SHC3: variants seen among roughly 807,000 people sequenced by gnomAD.
SHC3 encodes SHC-transforming protein 3.
SHC3 carries 15 observed loss-of-function variants against 60.4 expected under a neutral mutation model. The ratio of observed to expected loss-of-function variants is 0.25; its 90% CI spans 0.17 to 0.38. The LOEUF (loss-of-function observed/expected upper bound fraction) is 0.38. Among genes scored for constraint, SHC3 ranks in the 10% least tolerant of loss-of-function variants. The probability of loss-of-function intolerance (pLI) is 1.00; values close to 1 mark genes in which losing one functional copy is unlikely to be tolerated. For synonymous variants in SHC3, 294 were observed against 325.9 expected (o/e 0.90, Z 1.05); for missense variants, 677 against 786.1 (o/e 0.86, Z 1.66).
chr9:89,119,161 TA>T (rs964333162), intron 1 of SHC3, among the ~76,000 whole-genome samples: 1 of 151,968 alleles, frequency 6.6e-6, no homozygotes, highest in African/African-American at 2.4e-5. Context: ...TATATGTGTG[TA>T]AAAAATTATA....
chr9:89,175,989 A>G (rs1237090173), intron 1 of SHC3, among the ~76,000 whole-genome samples: 5 of 152,218 alleles, frequency 3.3e-5, no homozygotes, highest in African/African-American at 1.2e-4. Context: ...TTTCTGCGTG[A>G]TTTCAAACTT....
Position 89,006,593 on chromosome 9 carries a change from TG to T in SHC3, c.*6853del, listed in dbSNP as rs2118616007. 1 of 152,376 alleles carries T rather than the reference TG, an allele frequency of 6.6e-6. No individual in the cohort carries two copies. Among genetic ancestry groups the T allele is most frequent in the African/African-American group, 2.4e-5 (1 of 41,596 alleles). The allele number at this position is 152,376 out of a possible 1,614,324, so 9.4% of individuals were successfully genotyped here. A position where few individuals can be genotyped will look rare whatever the true frequency, so the allele number is the denominator to read the frequency against. ...TTCAGATAATATTCATTTGTCAGTATGTATAATTTGCCATCCAAATGCTTTT... is the reference window on the plus strand; with the variant it reads ...TTCAGATAATATTCATTTGTCAGTATTATAATTTGCCATCCAAATGCTTTT... On this transcript the variant is annotated 3_prime_UTR_variant, in exon 12 of 12. Coordinates refer to ENST00000375835, the MANE Select transcript of SHC3 (RefSeq NM_016848.6).
intron 1 of SHC3, among the ~76,000 whole-genome samples, chr9:89,121,900 G>C (rs1414107628): frequency 6.6e-6 from 1 of 152,224 alleles, no homozygotes; most frequent in Non-Finnish European, 1.5e-5. Flanking sequence ...CAATTGCACA[G>C]AGGTAGTCCA....
intron 11 of SHC3, among the ~76,000 whole-genome samples, chr9:89,026,732 T>C (rs959455172): frequency 3.9e-5 from 6 of 152,202 alleles, no homozygotes; most frequent in African/African-American, 7.2e-5. Context: ...CGCCCAGGGC[T>C]TACATGCCCA....
At chr9:89,164,082 ACACT>A (rs1826750138) in intron 1 of SHC3, among the ~76,000 whole-genome samples, 1 of 152,160 alleles carries the variant, frequency 6.6e-6, no homozygotes, top group South Asian at 2.1e-4. Context: ...GAGGACACAG[ACACT>A]CAGTCCATAA....
chr9:89,048,181 T>C (rs1255373950), intron 7 of SHC3, among the ~76,000 whole-genome samples: 2 of 150,426 alleles, frequency 1.3e-5, no homozygotes, highest in East Asian at 2.0e-4. Flanking sequence ...GAGGTGGATG[T>C]TGCAGTGAGC....
chr9:89,052,146 A>G lies in SHC3; in HGVS notation c.853T>C (p.Cys285Arg), dbSNP rs769271572. Residue 285 changes from cysteine (C) to arginine (R), a missense_variant, in exon 7 of 12, where the codon TGC becomes CGC. Physicochemically the swap from Cys to Arg is radical, Grantham distance 180 (BLOSUM62 -3). Transcript: ENST00000375835. ...ACATCCTGGGCCAGCCCATCACAGC[A>G]TTCCAAAATGTGACAAGCTGGGAAA... The part of the protein sequence containing the change: ...VNRRACHILE[C>R]CDGLAQDVIG... 6.2e-7 allele frequency: 1 copy of G among 1,613,956 alleles called. No homozygotes were observed. Among genetic ancestry groups the G allele is most frequent in the South Asian group, 1.1e-5 (1 of 91,082 alleles).
intron 6 of SHC3, among the ~76,000 whole-genome samples, chr9:89,052,619 G>A (rs1385115396): frequency 6.6e-6 from 1 of 152,204 alleles, no homozygotes; most frequent in East Asian, 1.9e-4. Context: ...GATTTATTCA[G>A]TGGACTTAGA....
chr9:89,028,896 C>A lies in SHC3; in HGVS notation c.1656+9097G>T, dbSNP rs1255266795. Among the ~76,000 whole-genome samples the A allele has an allele frequency of 6.8e-5, 10 of 146,880 alleles. No individual in the cohort carries two copies. In the East Asian group the frequency reaches 2.0e-3, roughly 29 times the overall value. ...ATATATATCTAGATATAATCTATAT[C>A]TATTAATCTATATCTATTAATATAA... On this transcript the variant is annotated intron_variant, in intron 11 of 11. Coordinates refer to ENST00000375835, the MANE Select transcript of SHC3 (RefSeq NM_016848.6).
At chr9:89,168,889 C>T (rs1433777464) in intron 1 of SHC3, among the ~76,000 whole-genome samples, 2 of 152,162 alleles carry the variant, frequency 1.3e-5, no homozygotes, top group South Asian at 4.1e-4. Flanking sequence ...GAGAATTCCT[C>T]TTGTTGGGCT....
intron 1 of SHC3, among the ~76,000 whole-genome samples, chr9:89,126,092 T>C (rs1329036059): frequency 2.6e-5 from 4 of 152,140 alleles, no homozygotes; most frequent in African/African-American, 7.2e-5. Flanking sequence ...GAAGAGACTA[T>C]ACTAAAGAGA....
intron 6 of SHC3, among the ~76,000 whole-genome samples, chr9:89,062,570 A>T (rs1825108787): frequency 6.6e-6 from 1 of 152,256 alleles, no homozygotes; most frequent in African/African-American, 2.4e-5. Flanking sequence ...CAGCACGGAA[A>T]AAGACAAACA....
intron 1 of SHC3, among the ~76,000 whole-genome samples, chr9:89,164,274 G>A (rs1432648436): frequency 2.0e-5 from 3 of 152,138 alleles, no homozygotes; most frequent in Non-Finnish European, 2.9e-5. Context: ...ACAGAGCTCT[G>A]GAGACCCTGA....
intron 6 of SHC3, among the ~76,000 whole-genome samples, chr9:89,064,927 T>C (rs933959717): frequency 1.3e-5 from 2 of 151,894 alleles, no homozygotes; most frequent in African/African-American, 2.4e-5. Flanking sequence ...CATCAATGAG[T>C]TTTAAATTGC....
intron 10 of SHC3, among the ~76,000 whole-genome samples, chr9:89,039,135 AT>A (rs1254688824): frequency 6.6e-6 from 1 of 152,250 alleles, no homozygotes; most frequent in African/African-American, 2.4e-5. Flanking sequence ...TGCGATGGTT[AT>A]TTCAGACTAC....
At chr9:89,175,693 C>A (rs1293305022) in intron 1 of SHC3, among the ~76,000 whole-genome samples, 4 of 152,014 alleles carry the variant, frequency 2.6e-5, no homozygotes, top group Non-Finnish European at 4.4e-5. Context: ...GCATCCTTTC[C>A]CAAACCCTAA....
At chr9:89,097,921 C>A (rs1825729169) in intron 2 of SHC3, among the ~76,000 whole-genome samples, 1 of 152,214 alleles carries the variant, frequency 6.6e-6, no homozygotes, top group African/African-American at 2.4e-5. Context: ...AAAGATGAAT[C>A]TGACATTTTC....
chr9:89,175,630 C>T (rs958423782), intron 1 of SHC3, among the ~76,000 whole-genome samples: 2 of 152,080 alleles, frequency 1.3e-5, no homozygotes, highest in Admixed American at 6.6e-5. Context: ...AACTAGAAAA[C>T]ATTTGGGGGC....
chr9:89,177,978 C>T lies in SHC3; in HGVS notation c.474+9G>A. The T allele has an allele frequency of 8.2e-7, 1 of 1,219,090 alleles. No homozygotes were observed. The highest frequency in any genetic ancestry group is 1.0e-6 in the Non-Finnish European group (1 of 979,794). 75.5% of individuals were successfully genotyped at this position (1,219,090 alleles called of 1,614,324 possible). On this transcript the variant is annotated intron_variant, in intron 1 of 11. Coordinates refer to ENST00000375835, the MANE Select transcript of SHC3 (RefSeq NM_016848.6). ...CCCAGCCCCCAGGGCGGCCCGCGCC[C>T]GCACCCACCTTGACCACGTAGGTGA...
Sources: gnomAD v4.1 joint callset for allele counts (sites outside exome capture counted in the v4.1 genomes callset) on GRCh38, gnomAD v4.1.1 for gene constraint, MANE v1.5 for transcripts, NCBI Gene and HGNC (gene_info 2026-07-23, HGNC 2026-07-21) for gene names.